Variants in DPP10 observed in about 807,000 individuals in gnomAD.
The protein encoded by DPP10 is inactive dipeptidyl peptidase 10.
In DPP10, 33 loss-of-function variants were observed where a neutral mutation model predicts 120.9. The ratio of observed to expected loss-of-function variants is 0.27; its 90% CI spans 0.21 to 0.37. The LOEUF (loss-of-function observed/expected upper bound fraction) is 0.37. Among genes scored for constraint, DPP10 ranks in the 10% least tolerant of loss-of-function variants. The pLI is 1.00. For synonymous variants in DPP10, 337 were observed against 326.1 expected (o/e 1.03, Z -0.36); for missense variants, 816 against 942.8 (o/e 0.87, Z 1.76).
intron 1 of DPP10, among the ~76,000 whole-genome samples, chr2:115,133,292 C>T (rs192588000): frequency 5.9e-4 from 87 of 148,708 alleles, no homozygotes; most frequent in African/African-American, 1.9e-3. Context: ...AGCAAAACTC[C>T]GTCTAAAACA....
At chr2:114,540,797 C>T (rs1417675764) in intron 1 of DPP10, among the ~76,000 whole-genome samples, 2 of 152,170 alleles carry the variant, frequency 1.3e-5, no homozygotes, top group Non-Finnish European at 2.9e-5. Flanking sequence ...TTTCAATTCC[C>T]TTGCCTCTGC....
intron 1 of DPP10, among the ~76,000 whole-genome samples, chr2:114,951,588 T>G (rs1024900386): frequency 3.9e-5 from 6 of 152,184 alleles, no homozygotes; most frequent in Non-Finnish European, 5.9e-5. Context: ...AAAAGAAGGT[T>G]TTTTAATAAG....
intron 3 of DPP10, among the ~76,000 whole-genome samples, chr2:115,482,748 T>C (rs2075517144): frequency 6.6e-6 from 1 of 152,058 alleles, no homozygotes; most frequent in Non-Finnish European, 1.5e-5. Context: ...AATATTATTA[T>C]ATGGATATAT....
At chr2:114,455,729 G>GTTTTTTT (rs35479026) in intron 1 of DPP10, among the ~76,000 whole-genome samples, 1 of 144,662 alleles carries the variant, frequency 6.9e-6, no homozygotes. Context: ...AAATTCATTT[G>GTTTTTTT]TTTTTTTTTT....
intron 8 of DPP10, among the ~76,000 whole-genome samples, chr2:115,730,295 A>G (rs1371828891): frequency 6.6e-6 from 1 of 152,178 alleles, no homozygotes; most frequent in Non-Finnish European, 1.5e-5. Context: ...TATAGGTCTT[A>G]GTGGCTAAGC....
At chr2:114,671,237 AT>A (rs1198279325) in intron 1 of DPP10, among the ~76,000 whole-genome samples, 1 of 152,156 alleles carries the variant, frequency 6.6e-6, no homozygotes, top group Non-Finnish European at 1.5e-5. Flanking sequence ...TACCATCTAG[AT>A]TTGTGTAAGT....
At position 114,556,232 on chromosome 2, in the gene DPP10, T is replaced by C. The variant is rs1192105192; in HGVS notation, c.60+113394T>C. ...AGGAGAAACAGTGATACATAGATGA[T>C]ACATATATATATATATATATATATA... On this transcript the variant is annotated intron_variant, in intron 1 of 25. Transcript: ENST00000410059. Among the ~76,000 whole-genome samples, 4 of 70,758 alleles carry C rather than the reference T, an allele frequency of 5.7e-5. No individual in the cohort carries two copies. The East Asian group carries it at 1.4e-3, about 24-fold the overall frequency. The allele number at this position is 70,758 out of a possible 152,430, so 46.4% of individuals were successfully genotyped here.
chr2:115,206,217 G>A (rs998361700), intron 1 of DPP10, among the ~76,000 whole-genome samples: 2 of 152,092 alleles, frequency 1.3e-5, no homozygotes, highest in Admixed American at 1.3e-4. Flanking sequence ...CCCTCGTCAG[G>A]TGACTGGGCT....
chr2:114,964,185 T>C (rs1386868889), intron 1 of DPP10, among the ~76,000 whole-genome samples: 1 of 152,246 alleles, frequency 6.6e-6, no homozygotes, highest in African/African-American at 2.4e-5. Context: ...AAAAGCACTC[T>C]ACAAAATTAA....
At chr2:114,916,504 A>AC (rs534307954) in intron 1 of DPP10, among the ~76,000 whole-genome samples, 485 of 152,256 alleles carry the variant, frequency 3.2e-3, no homozygotes, top group Admixed American at 5.6e-3. Context: ...CCAAAACCTG[A>AC]CACAGACACA....
Position 115,694,761 on chromosome 2 carries a change from G to A in DPP10, c.576+4840G>A, listed in dbSNP as rs371414234. ...ATTTTATGGGAAGGCTTGAATGGAA[G>A]TTTGTGGTTAATTTTAGTTGACTTG... On this transcript the variant is annotated intron_variant, in intron 7 of 25. Coordinates refer to ENST00000410059, the MANE Select transcript of DPP10 (RefSeq NM_020868.6). Among the ~76,000 whole-genome samples, 12 of 152,138 alleles carry A rather than the reference G, an allele frequency of 7.9e-5. No homozygotes were observed. In the South Asian group the frequency reaches 1.0e-3, roughly 13 times the overall value.
intron 2 of DPP10, among the ~76,000 whole-genome samples, chr2:115,312,351 G>T (rs1171837695): frequency 1.3e-5 from 2 of 152,070 alleles, no homozygotes; most frequent in African/African-American, 2.4e-5. Context: ...CCAGCAAAAT[G>T]GCAGTGTAGT....
At chr2:114,903,147 A>G (rs1395906736) in intron 1 of DPP10, among the ~76,000 whole-genome samples, 1 of 152,096 alleles carries the variant, frequency 6.6e-6, no homozygotes. Context: ...CTTTTTAGTC[A>G]TGAATAATAT....
intron 1 of DPP10, among the ~76,000 whole-genome samples, chr2:115,219,912 T>G (rs1259079845): frequency 6.6e-6 from 1 of 152,196 alleles, no homozygotes; most frequent in Non-Finnish European, 1.5e-5. Context: ...TTATTCAAAT[T>G]TATCACCTGT....
intron 1 of DPP10, among the ~76,000 whole-genome samples, chr2:114,594,661 A>G (rs1032898554): frequency 5.9e-5 from 9 of 151,370 alleles, no homozygotes; most frequent in African/African-American, 2.2e-4. Flanking sequence ...CAAAAGAAGC[A>G]GGGGATACAA....
chr2:115,012,938 G>C (rs1702368884), intron 1 of DPP10, among the ~76,000 whole-genome samples: 1 of 152,082 alleles, frequency 6.6e-6, no homozygotes, highest in African/African-American at 2.4e-5. Flanking sequence ...TGAAAGGAAA[G>C]TAATTCATCC....
intron 1 of DPP10, among the ~76,000 whole-genome samples, chr2:114,883,088 A>G (rs1691778474): frequency 1.3e-5 from 2 of 152,344 alleles, no homozygotes; most frequent in South Asian, 2.1e-4. Flanking sequence ...ACAGAATCAC[A>G]CAATTGCTTA....
chr2:115,553,997 TC>T (rs1370516787), intron 5 of DPP10, among the ~76,000 whole-genome samples: 3 of 110,678 alleles, frequency 2.7e-5, no homozygotes, highest in African/African-American at 3.6e-5. Flanking sequence ...TCTCTCTCTC[TC>T]TTTCACACAC....
At position 115,440,657 on chromosome 2, in the gene DPP10, A is replaced by G. The variant is rs1464095628; in HGVS notation, c.272-58853A>G. 2.0e-5 allele frequency among the ~76,000 whole-genome samples: 3 copies of G among 152,262 alleles called. No homozygotes were observed. The East Asian group carries it at 5.8e-4, about 29-fold the overall frequency. On this transcript the variant is annotated intron_variant, in intron 3 of 25. Transcript: ENST00000410059. ...GGAAGGGGAGGGGGACTCAAATGCA[A>G]TAATTCTACAGAAGTAAAAACATGC...
Sources: gnomAD v4.1 joint callset for allele counts (sites outside exome capture counted in the v4.1 genomes callset) on GRCh38, gnomAD v4.1.1 for gene constraint, MANE v1.5 for transcripts, NCBI Gene and HGNC (gene_info 2026-07-23, HGNC 2026-07-21) for gene names.